Variants in PTPRD observed in about 807,000 individuals in gnomAD.
The protein encoded by PTPRD is protein tyrosine phosphatase receptor type D.
Under a neutral mutation model 214.5 loss-of-function variants are expected in PTPRD, and 34 were observed. The ratio of observed to expected loss-of-function variants is 0.16; its 90% CI spans 0.12 to 0.21. PTPRD has a LOEUF of 0.21. PTPRD is among the 10% of genes least tolerant of loss of function. The pLI, the probability that PTPRD is intolerant of heterozygous loss-of-function variation, is 1.00. For missense variants in PTPRD, 2,545 were observed against 2,398.7 expected, an observed-to-expected ratio of 1.06 and a Z score of -1.27; for synonymous variants, 1,128 against 845.7, an observed-to-expected ratio of 1.33 and a Z score of -5.79.
At chr9:8,726,508 G>T (rs1342961392) in intron 12 of PTPRD, among the ~76,000 whole-genome samples, 4 of 141,542 alleles carry the variant, frequency 2.8e-5, no homozygotes, top group Non-Finnish European at 6.1e-5. Context: ...GAGGCAGGTG[G>T]ATCCCCTGAA....
intron 8 of PTPRD, among the ~76,000 whole-genome samples, chr9:9,451,788 AT>A (rs1183413953): frequency 1.3e-5 from 2 of 151,674 alleles, no homozygotes; most frequent in African/African-American, 4.8e-5. Context: ...GAAATAAAAA[AT>A]ACAAAAATTA....
intron 2 of PTPRD, among the ~76,000 whole-genome samples, chr9:10,607,845 ATT>A (rs1172434705): frequency 2.6e-5 from 4 of 151,816 alleles, no homozygotes; most frequent in Admixed American, 6.6e-5. Flanking sequence ...TTGTTATTAC[ATT>A]TTTTTAAAGT....
chr9:10,488,729 G>A (rs1303157236), intron 2 of PTPRD, among the ~76,000 whole-genome samples: 1 of 151,998 alleles, frequency 6.6e-6, no homozygotes, highest in Non-Finnish European at 1.5e-5. Context: ...TCTCATCAAC[G>A]GCCACCGCCA....
At chr9:9,734,768 A>G (rs2154444964) in intron 6 of PTPRD, among the ~76,000 whole-genome samples, 197 bp from the exon 7 acceptor site, 1 of 152,282 alleles carries the variant, frequency 6.6e-6, no homozygotes, top group East Asian at 1.9e-4. Flanking sequence ...ACATTGTGCC[A>G]TTAAAACAAA....
At chr9:10,256,703 C>T (rs1485011706) in intron 3 of PTPRD, among the ~76,000 whole-genome samples, 1 of 152,158 alleles carries the variant, frequency 6.6e-6, no homozygotes, top group African/African-American at 2.4e-5. Context: ...ACTGCCTTTG[C>T]CACTAACGTG....
chr9:8,468,303 A>G (rs956351744), intron 31 of PTPRD, among the ~76,000 whole-genome samples: 5 of 151,982 alleles, frequency 3.3e-5, no homozygotes, highest in African/African-American at 4.8e-5. Context: ...TGTTGCAGTT[A>G]CAACCACAAA....
chr9:9,687,885 TATCTC>T (rs2097193726), intron 7 of PTPRD, among the ~76,000 whole-genome samples: 1 of 151,812 alleles, frequency 6.6e-6, no homozygotes, highest in South Asian at 2.1e-4. Context: ...ACCCAACTCT[TATCTC>T]GAATTGTAAT....
intron 5 of PTPRD, among the ~76,000 whole-genome samples, chr9:9,844,791 G>C (rs925545175): frequency 6.6e-6 from 1 of 151,530 alleles, no homozygotes; most frequent in African/African-American, 2.4e-5. Flanking sequence ...CTTAAAACTT[G>C]TTATTGAGGT....
intron 7 of PTPRD, among the ~76,000 whole-genome samples, chr9:9,723,665 T>C (rs1470862587): frequency 6.6e-6 from 1 of 152,072 alleles, no homozygotes; most frequent in South Asian, 2.1e-4. Flanking sequence ...GAATATATTT[T>C]TTCCATTCAT....
intron 3 of PTPRD, among the ~76,000 whole-genome samples, chr9:10,309,681 T>G (rs2096210471): frequency 6.6e-6 from 1 of 151,888 alleles, no homozygotes; most frequent in African/African-American, 2.4e-5. Flanking sequence ...AATTTCTTTC[T>G]GACAACAGTT....
chr9:8,640,355 T>C (rs542020817), intron 12 of PTPRD, among the ~76,000 whole-genome samples: 1 of 151,910 alleles, frequency 6.6e-6, no homozygotes, highest in African/African-American at 2.4e-5. Flanking sequence ...ATCTCAAAAA[T>C]AAAAAATTTA....
At chr9:8,873,396 C>G (rs1271301261) in intron 11 of PTPRD, among the ~76,000 whole-genome samples, 1 of 152,014 alleles carries the variant, frequency 6.6e-6, no homozygotes, top group Non-Finnish European at 1.5e-5. Context: ...TTCTTTTTCC[C>G]CAATCAGAAT....
chr9:9,290,314 C>T (rs1444413735), intron 9 of PTPRD, among the ~76,000 whole-genome samples: 1 of 151,554 alleles, frequency 6.6e-6, no homozygotes. Context: ...TTATTTGCTT[C>T]TTTGCTATTT....
intron 14 of PTPRD, among the ~76,000 whole-genome samples, chr9:8,571,903 T>C (rs1188357087): frequency 1.3e-5 from 2 of 152,098 alleles, no homozygotes; most frequent in African/African-American, 2.4e-5. Context: ...GGAAAGTTTC[T>C]AGTGATGGTT....
chr9:8,507,216 C>A (rs751930464), intron 22 of PTPRD, 85 bp downstream of exon 22: 1 of 1,479,850 alleles, frequency 6.8e-7, no homozygotes, highest in Non-Finnish European at 9.1e-7. Flanking sequence ...AGCTCTCTGA[C>A]CAAGAATGTG....
intron 3 of PTPRD, among the ~76,000 whole-genome samples, chr9:10,112,418 C>T (rs562667617): frequency 1.3e-5 from 2 of 152,050 alleles, no homozygotes; most frequent in African/African-American, 2.4e-5. Flanking sequence ...TATCTTCCAA[C>T]TGACAATTAT....
intron 5 of PTPRD, among the ~76,000 whole-genome samples, chr9:9,860,780 T>C (rs2147065): frequency 0.086 from 13,057 of 152,264 alleles, 2,064 homozygotes; most frequent in East Asian, 0.71. Flanking sequence ...AGGGGTCTTG[T>C]GTCTAGTGGT....
chr9:10,303,348 G>C (rs1232213083), intron 3 of PTPRD, among the ~76,000 whole-genome samples: 1 of 152,030 alleles, frequency 6.6e-6, no homozygotes, highest in East Asian at 1.9e-4. Flanking sequence ...ACAATTAAAA[G>C]AACGAGTGAA....
intron 12 of PTPRD, among the ~76,000 whole-genome samples, chr9:8,712,443 G>C (rs1166337055): frequency 1.3e-5 from 2 of 148,662 alleles, no homozygotes; most frequent in East Asian, 3.9e-4. Flanking sequence ...TCGTCACTAT[G>C]TGCCTTTTTT....
Sources: allele counts gnomAD v4.1 joint callset (sites outside exome capture counted in the v4.1 genomes callset), GRCh38; gene constraint gnomAD v4.1.1; transcripts MANE v1.5; gene names NCBI Gene and HGNC (gene_info 2026-07-23, HGNC 2026-07-21).